The following AGBL3 variants were observed in gnomAD, a reference collection of about 807,000 sequenced individuals.
AGBL3 encodes cytosolic carboxypeptidase 3.
Under a neutral mutation model 94.5 loss-of-function variants are expected in AGBL3, and 68 were observed. The observed-to-expected ratio is 0.72, with a 90% CI of 0.59 to 0.88. AGBL3 has a LOEUF of 0.88. AGBL3 is among the 40% of genes least tolerant of loss of function. The pLI is 0.00. For missense variants in AGBL3, 934 were observed against 1,103.8 expected, an observed-to-expected ratio of 0.85 and a Z score of 2.18; for synonymous variants, 354 against 370.7, an observed-to-expected ratio of 0.95 and a Z score of 0.52.
At chr7:135,111,070 C>T (rs763539202) in intron 15 of AGBL3, among the ~76,000 whole-genome samples, 4 of 152,200 alleles carry the variant, frequency 2.6e-5, no homozygotes, top group Non-Finnish European at 5.9e-5. Flanking sequence ...CTCCCCTTTA[C>T]CCTCAGTAGA....
At chr7:135,024,923 A>T (rs1309555418) in intron 5 of AGBL3, among the ~76,000 whole-genome samples, 1 of 150,926 alleles carries the variant, frequency 6.6e-6, no homozygotes, top group Non-Finnish European at 1.5e-5. Context: ...AAAATACAGA[A>T]GAAATAATTT....
chr7:135,128,759 C>T, intron 16 of AGBL3: 1 of 1,351,600 alleles, frequency 7.4e-7, no homozygotes, highest in South Asian at 1.3e-5. Context: ...TCTCCCAACA[C>T]AGAGCTAGAT....
At chr7:135,103,659 AG>A (rs1824203722) in intron 15 of AGBL3, among the ~76,000 whole-genome samples, 1 of 152,144 alleles carries the variant, frequency 6.6e-6, no homozygotes, top group Non-Finnish European at 1.5e-5. Context: ...GGAGACTGAG[AG>A]GGGAATAATA....
chr7:135,037,760 A>G (rs1816454450), intron 8 of AGBL3, among the ~76,000 whole-genome samples, 180 bp downstream of exon 8: 1 of 152,166 alleles, frequency 6.6e-6, no homozygotes, highest in Non-Finnish European at 1.5e-5. Context: ...AATAATTTGA[A>G]AATATGGGGA....
intron 11 of AGBL3, among the ~76,000 whole-genome samples, chr7:135,049,181 T>C (rs1294954640): frequency 6.6e-6 from 1 of 151,970 alleles, no homozygotes; most frequent in African/African-American, 2.4e-5. Context: ...ATTGAGAGGA[T>C]CATGGATTTT....
chr7:135,044,982 C>T (rs1383095585), intron 9 of AGBL3, among the ~76,000 whole-genome samples: 2 of 116,862 alleles, frequency 1.7e-5, no homozygotes, highest in Admixed American at 9.8e-5. Context: ...TTTGTTCTTG[C>T]GATAGTTTAC....
rs138992892 is a variant in AGBL3, at chr7:135,061,061, CT to C, written c.1908+1838del. Among the ~76,000 whole-genome samples, 292 of 148,116 alleles carry C rather than the reference CT, an allele frequency of 2.0e-3. 1 individual carries two copies. Among genetic ancestry groups the C allele is most frequent in the South Asian group, 3.0e-3 (14 of 4,706 alleles). ...TCTCCACATCTCCAACACTAATTAT[CT>C]TTTTTTTTTTTATAACAGCCACTCT... On this transcript the variant is annotated intron_variant, in intron 12 of 16. Transcript: ENST00000436302.
chr7:135,024,504 C>T (rs918593531), intron 5 of AGBL3, among the ~76,000 whole-genome samples: 1 of 152,210 alleles, frequency 6.6e-6, no homozygotes, highest in Non-Finnish European at 1.5e-5. Context: ...TGACTATACT[C>T]AACTTAAACC....
intron 11 of AGBL3, among the ~76,000 whole-genome samples, chr7:135,047,996 G>C (rs1286845471): frequency 6.6e-6 from 1 of 151,852 alleles, no homozygotes; most frequent in African/African-American, 2.4e-5. Flanking sequence ...TATAGTTTCA[G>C]CTCTTATATT....
At chr7:135,048,233 C>T (rs1030102597) in intron 11 of AGBL3, among the ~76,000 whole-genome samples, 20 of 151,892 alleles carry the variant, frequency 1.3e-4, no homozygotes, top group Non-Finnish European at 2.2e-4. Context: ...GTGTCATACT[C>T]ATTTGATTAC....
chr7:135,043,483 G>A (rs932003762), intron 8 of AGBL3, among the ~76,000 whole-genome samples: 3 of 152,058 alleles, frequency 2.0e-5, no homozygotes, highest in African/African-American at 4.8e-5. Flanking sequence ...AAGTGGAGAT[G>A]GTTAATGGGT....
intron 5 of AGBL3, among the ~76,000 whole-genome samples, chr7:135,021,127 T>A (rs1207902002): frequency 6.6e-6 from 1 of 152,022 alleles, no homozygotes; most frequent in Non-Finnish European, 1.5e-5. Flanking sequence ...GTTAACAATA[T>A]ATATGTAGGT....
intron 13 of AGBL3, among the ~76,000 whole-genome samples, chr7:135,078,322 A>C (rs1217445401): frequency 6.6e-6 from 1 of 152,240 alleles, no homozygotes; most frequent in East Asian, 1.9e-4. Flanking sequence ...TGCAGGGAGC[A>C]GAGATGGCTA....
intron 4 of AGBL3, among the ~76,000 whole-genome samples, chr7:134,995,967 G>A (rs1193033852): frequency 6.6e-6 from 1 of 152,090 alleles, no homozygotes; most frequent in Non-Finnish European, 1.5e-5. Flanking sequence ...TTCCACCTTT[G>A]CTTGCTAGCA....
chr7:135,126,618 T>C (rs1244660040), intron 16 of AGBL3, among the ~76,000 whole-genome samples: 3 of 152,186 alleles, frequency 2.0e-5, no homozygotes, highest in African/African-American at 7.2e-5. Context: ...TGGAGAGGTA[T>C]CACACTACCT....
chr7:135,001,569 A>G (rs776903699), intron 4 of AGBL3, among the ~76,000 whole-genome samples: 3 of 152,324 alleles, frequency 2.0e-5, no homozygotes, highest in East Asian at 1.9e-4. Context: ...CCATTGGTCT[A>G]TGTAATCTCC....
chr7:135,071,169 C>A (rs1034412392), intron 12 of AGBL3, among the ~76,000 whole-genome samples: 4 of 151,974 alleles, frequency 2.6e-5, no homozygotes, highest in Non-Finnish European at 5.9e-5. Flanking sequence ...TTACAAGGGA[C>A]GTGAAGGACC....
chr7:135,045,262 G>C (rs1199206445), intron 9 of AGBL3, among the ~76,000 whole-genome samples: 1 of 151,878 alleles, frequency 6.6e-6, no homozygotes, highest in Admixed American at 6.6e-5. Flanking sequence ...TTTAAAACAT[G>C]TACTAATGTA....
intron 3 of AGBL3, among the ~76,000 whole-genome samples, chr7:134,989,670 C>A (rs2133356814): frequency 6.6e-6 from 1 of 152,244 alleles, no homozygotes; most frequent in African/African-American, 2.4e-5. Context: ...TTAATAAAGT[C>A]ATTCATTTGC....
Sources: gnomAD v4.1 joint callset for allele counts (sites outside exome capture counted in the v4.1 genomes callset) on GRCh38, gnomAD v4.1.1 for gene constraint, MANE v1.5 for transcripts, NCBI Gene and HGNC (gene_info 2026-07-23, HGNC 2026-07-21) for gene names.